The following CHD7 variants were observed in gnomAD, a reference collection of about 807,000 sequenced individuals.
The protein encoded by CHD7 is ATP-dependent chromatin remodeler CHD7.
In CHD7, 24 loss-of-function variants were observed where a neutral mutation model predicts 307.3. That is an observed-to-expected ratio of 0.08 (90% CI 0.06 to 0.11). CHD7 has a LOEUF of 0.11. Among genes scored for constraint, CHD7 ranks in the 10% least tolerant of loss-of-function variants. CHD7 has a pLI of 1.00. For missense variants in CHD7, 3,106 were observed against 3,727.1 expected (o/e 0.83, Z 4.34); for synonymous variants, 1,363 against 1,349.9 (o/e 1.01, Z -0.21).
chr8:60,765,282 CA>C (rs1233830806), intron 2 of CHD7, among the ~76,000 whole-genome samples: 2 of 148,424 alleles, frequency 1.3e-5, no homozygotes, highest in South Asian at 2.2e-4. Context: ...CATACACACA[CA>C]CCCCACACAC....
rs187470929 is a variant in CHD7, at chr8:60,776,113, A to C, written c.1666-4887A>C. ...CCTGAGACCTGTTTTTATGTGACAC[A>C]TTTGAATATCCTTAACTTGTTCTAT... On this transcript the variant is annotated intron_variant, in intron 2 of 37. Transcript: ENST00000423902. 3.0e-3 allele frequency among the ~76,000 whole-genome samples: 458 copies of C among 152,320 alleles called. 2 individuals are homozygous for C. The highest frequency in any genetic ancestry group is 4.8e-3 in the Admixed American group (74 of 15,308).
At position 60,822,534 on chromosome 8, in the gene CHD7, T is replaced by C; in HGVS notation, c.2989T>C (p.Leu997=). The stretch of plus-strand genomic sequence containing the variant: ...CTGCATTTTAGCAGATGAAATGGGT[T>C]TGGGAAAAACTATCCAGTCCATTAC... ...RNCILADEMG[L]GKTIQSITFL... The change falls in exon 12 of 38, where the codon TTG becomes CTG. Residue 997 remains leucine, a synonymous_variant. Coordinates refer to ENST00000423902, the MANE Select transcript of CHD7 (RefSeq NM_017780.4). 1 of 1,613,698 alleles carries C rather than the reference T, an allele frequency of 6.2e-7. No homozygotes were observed. The highest frequency in any genetic ancestry group is 8.5e-7 in the Non-Finnish European group (1 of 1,179,642).
chr8:60,806,692 C>T (rs1812551558), intron 6 of CHD7, among the ~76,000 whole-genome samples: 1 of 152,136 alleles, frequency 6.6e-6, no homozygotes, highest in Non-Finnish European at 1.5e-5. Context: ...GATTTCTAGA[C>T]AGGCCAAAAC....
chr8:60,842,488 C>T (rs537425808), intron 21 of CHD7, among the ~76,000 whole-genome samples: 6 of 152,306 alleles, frequency 3.9e-5, no homozygotes, highest in African/African-American at 1.4e-4. Flanking sequence ...TCATATGAAA[C>T]ATGAATGGTC....
At position 60,710,202 on chromosome 8, in the gene CHD7, TC is replaced by T. The variant is rs1473265776; in HGVS notation, c.-174-31056del. Among the ~76,000 whole-genome samples the T allele has an allele frequency of 1.3e-4, 20 of 151,778 alleles. 1 individual carries two copies. Among genetic ancestry groups the T allele is most frequent in the African/African-American group, 4.6e-4 (19 of 41,362 alleles). ...TTTCAAAATACACGCTCTTAGTTGA[TC>T]ATAATTCTTGTGCAAACTTTGAAAT... On this transcript the variant is annotated intron_variant, in intron 1 of 37. Coordinates refer to ENST00000423902, the MANE Select transcript of CHD7 (RefSeq NM_017780.4).
rs866400212 is a variant in CHD7 at position 60,726,582 on chromosome 8, A to G, written c.-174-14677A>G. The stretch of plus-strand genomic sequence containing the variant: ...ATCTACAAAGTACTGCGTTAAGTGC[A>G]TTATATCACACAATCTAATTTGGCC... On this transcript the variant is annotated intron_variant, in intron 1 of 37. Transcript: ENST00000423902. Among the ~76,000 whole-genome samples, 5 of 152,374 alleles carry G rather than the reference A, an allele frequency of 3.3e-5. No homozygotes were observed. In the South Asian group the frequency reaches 6.2e-4, roughly 19 times the overall value.
At chr8:60,839,825 A>G (rs567470539) in intron 19 of CHD7, among the ~76,000 whole-genome samples, 2 of 152,260 alleles carry the variant, frequency 1.3e-5, no homozygotes, top group East Asian at 3.9e-4. Context: ...TTCTGTATGA[A>G]GGTTCTGTAT....
chr8:60,751,623 C>T (rs1809646096), intron 2 of CHD7, among the ~76,000 whole-genome samples: 1 of 152,194 alleles, frequency 6.6e-6, no homozygotes, highest in South Asian at 2.1e-4. Flanking sequence ...TGAAGAAAGT[C>T]AGTAGCAAAC....
intron 8 of CHD7, among the ~76,000 whole-genome samples, chr8:60,819,394 A>G (rs1563628031): frequency 6.6e-6 from 1 of 152,220 alleles, no homozygotes; most frequent in Non-Finnish European, 1.5e-5. Flanking sequence ...TATCCTTAAT[A>G]CTTTTGCCTA....
Position 60,742,474 on chromosome 8 carries a change from C to A in CHD7, c.1042C>A (p.Pro348Thr), listed in dbSNP as rs747263275. Residue 348 changes from proline to threonine, a missense_variant, in exon 2 of 38, where the codon CCC (proline) becomes ACC (threonine). This residue lies in a region of CHD7 where 998 missense variants were observed against 1,004.5 expected (regional missense o/e 0.99). Transcript: ENST00000423902. ...TPMNQSVPRY[P>T]NAVGFPSNSG... ...AATGAATCAGTCCGTACCAAGATAC[C>A]CCAATGCTGTAGGATTCCCATCAAA... 10 of 1,613,916 alleles carry A rather than the reference C, an allele frequency of 6.2e-6. No individual in the cohort carries two copies. In the Admixed American group the frequency reaches 1.2e-4, roughly 19 times the overall value.
chr8:60,843,013 C>T lies in CHD7; in HGVS notation c.4850+961C>T, dbSNP rs114650083. ...GGTGACCTACCTCCCTTCTGCTCTC[C>T]GTGGGTGTCCGACGCAGGCATCAGC... On this transcript the variant is annotated intron_variant, in intron 21 of 37. Coordinates refer to ENST00000423902, the MANE Select transcript of CHD7 (RefSeq NM_017780.4). Among the ~76,000 whole-genome samples, 256 of 152,274 alleles carry T rather than the reference C, an allele frequency of 1.7e-3. 1 individual carries two copies. The highest frequency in any genetic ancestry group is 0.01 in the Middle Eastern group (3 of 294).
chr8:60,791,886 T>C (rs944708548), intron 3 of CHD7, among the ~76,000 whole-genome samples: 2 of 152,218 alleles, frequency 1.3e-5, no homozygotes, highest in African/African-American at 2.4e-5. Flanking sequence ...GATGAAGTCA[T>C]CCTCAGTGAA....
intron 2 of CHD7, among the ~76,000 whole-genome samples, chr8:60,755,552 T>A (rs1809851611): frequency 6.6e-6 from 1 of 152,080 alleles, no homozygotes; most frequent in Admixed American, 6.5e-5. Flanking sequence ...AATGTATTTT[T>A]AAATAAAAAT....
chr8:60,860,612 T>C (rs1183168843), intron 34 of CHD7, among the ~76,000 whole-genome samples: 1 of 152,214 alleles, frequency 6.6e-6, no homozygotes, highest in Non-Finnish European at 1.5e-5. Context: ...TTTTTGTATT[T>C]TTTGTAAAGA....
intron 15 of CHD7, 25 bp downstream of exon 15, chr8:60,830,602 T>TG (rs751226777): frequency 6.2e-7 from 1 of 1,605,658 alleles, no homozygotes; most frequent in Non-Finnish European, 8.5e-7. Flanking sequence ...CTCGCGAACT[T>TG]GCTTAAGTGA....
intron 1 of CHD7, among the ~76,000 whole-genome samples, chr8:60,738,067 T>C (rs1808796550): frequency 6.6e-6 from 1 of 152,256 alleles, no homozygotes; most frequent in Non-Finnish European, 1.5e-5. Flanking sequence ...GTGATAATTA[T>C]GAGACTTTAA....
chr8:60,865,329 C>G lies in CHD7; in HGVS notation c.8390C>G (p.Pro2797Arg). ...GCGAAGAACCCTGCTGCTGTGCTGC[C>G]CCTGATGCTGCCAGGAATGGCGGGC... ...GDAKNPAAVL[P>R]LMLPGMAGLP... The change falls in exon 38 of 38, where the codon CCC becomes CGC. Residue 2797 changes from proline (P) to arginine (R), a missense_variant. This residue lies in a region of CHD7 where 351 missense variants were observed against 366.2 expected (regional missense o/e 0.96). Transcript: ENST00000423902. The surrounding 1 kb of genome is among the most constrained non-coding windows in gnomAD (Gnocchi z 4.3). 4 of 1,612,356 alleles carry G rather than the reference C, an allele frequency of 2.5e-6. No individual in the cohort carries two copies. Among genetic ancestry groups the G allele is most frequent in the Non-Finnish European group, 3.4e-6 (4 of 1,179,384 alleles).
rs755066542 is a variant in CHD7 at position 60,862,639 on chromosome 8, T to C, written c.8063T>C (p.Ile2688Thr). 2.6e-6 allele frequency: 4 copies of C among 1,561,404 alleles called. No individual in the cohort carries two copies. Among genetic ancestry groups the C allele is most frequent in the South Asian group, 1.2e-5 (1 of 84,690 alleles). Residue 2688 changes from isoleucine (I) to threonine (T), a missense_variant, in exon 37 of 38, where the codon ATA (isoleucine) becomes ACA (threonine). Physicochemically the swap from Ile to Thr is moderately conservative, Grantham distance 89. This residue lies in a region of CHD7 where 59 missense variants were observed against 106.2 expected (regional missense o/e 0.56). Coordinates refer to ENST00000423902, the MANE Select transcript of CHD7 (RefSeq NM_017780.4). Reference sequence around the variant, plus strand: ...GCAGTTGCTCCAGACTGGACTGATATAGTTAAGCAGTCTGTAAGTACAAAC... The same window carrying C: ...GCAGTTGCTCCAGACTGGACTGATACAGTTAAGCAGTCTGTAAGTACAAAC... ...EFAVAPDWTDIVKQSGFVPES... is the reference protein window; with the variant it reads ...EFAVAPDWTDTVKQSGFVPES...
chr8:60,837,560 A>G (rs1804795611), intron 17 of CHD7, 108 bp from the exon 18 acceptor site: 1 of 974,026 alleles, frequency 1.0e-6, no homozygotes, highest in Non-Finnish European at 1.5e-6. Flanking sequence ...CTAAGGCGCC[A>G]CCTCCAAATA....
Sources: gnomAD v4.1 joint callset for allele counts (sites outside exome capture counted in the v4.1 genomes callset) on GRCh38, gnomAD v4.1.1 for gene constraint, gnomAD v4.1.1 regional missense constraint, Gnocchi (gnomAD v3.1) non-coding constraint, MANE v1.5 for transcripts, NCBI Gene and HGNC (gene_info 2026-07-23, HGNC 2026-07-21) for gene names.